The following PRR16 variants were observed in gnomAD, a reference collection of about 807,000 sequenced individuals.
PRR16 encodes the protein proline rich 16.
A neutral mutation model predicts 18.2 loss-of-function variants in PRR16; 6 were observed. That is an observed-to-expected ratio of 0.33 (90% CI 0.18 to 0.65). PRR16 has a LOEUF of 0.65. Ranked by LOEUF, PRR16 falls within the 30% of genes least tolerant of loss-of-function variation. The probability of loss-of-function intolerance (pLI) is 0.74; values close to 1 mark genes in which losing one functional copy is unlikely to be tolerated. For synonymous variants in PRR16, 151 were observed against 147.8 expected (o/e 1.02, Z -0.16); for missense variants, 412 against 376.6 (o/e 1.09, Z -0.78).
chr5:120,734,414 A>G, the PRR16 span, among the ~76,000 whole-genome samples: 4 of 152,054 alleles, frequency 2.6e-5, no homozygotes, highest in African/African-American at 7.2e-5. Context: ...TGTTCTTTTC[A>G]CTAGGAAGGA....
chr5:120,660,954 T>A (rs1459502149), intron 1 of PRR16, among the ~76,000 whole-genome samples: 1 of 152,114 alleles, frequency 6.6e-6, no homozygotes, highest in Non-Finnish European at 1.5e-5. Flanking sequence ...AAAGAAATGT[T>A]TGAGATTTTG....
chr5:120,464,993 G>T (rs1242273529), intron 1 of PRR16, among the ~76,000 whole-genome samples: 2 of 152,106 alleles, frequency 1.3e-5, no homozygotes, highest in African/African-American at 2.4e-5. Flanking sequence ...CGGCTGGAGC[G>T]TGCAAGATGC....
intron 1 of PRR16, among the ~76,000 whole-genome samples, chr5:120,618,133 A>G (rs1342635053): frequency 6.6e-6 from 1 of 152,144 alleles, no homozygotes; most frequent in Non-Finnish European, 1.5e-5. Context: ...AGATGCCATG[A>G]TTAGTCAACT....
the PRR16 span, among the ~76,000 whole-genome samples, chr5:120,770,950 TCACACA>T: frequency 6.7e-6 from 1 of 148,870 alleles, no homozygotes; most frequent in African/African-American, 2.5e-5. Flanking sequence ...TCTCTCTCTC[TCACACA>T]CACACACACA....
the PRR16 span, among the ~76,000 whole-genome samples, chr5:120,751,542 A>T: frequency 2.2e-3 from 339 of 150,672 alleles, 1 homozygote; most frequent in African/African-American, 7.7e-3. Context: ...GATATTGGGC[A>T]TTTTTTTTTA....
At chr5:120,705,370 T>C in the PRR16 span, among the ~76,000 whole-genome samples, 2 of 152,116 alleles carry the variant, frequency 1.3e-5, no homozygotes, top group African/African-American at 4.8e-5. Flanking sequence ...CTATATATCA[T>C]GTTGACAAAT....
the PRR16 span, among the ~76,000 whole-genome samples, chr5:120,732,369 T>C: frequency 6.6e-6 from 1 of 151,884 alleles, no homozygotes; most frequent in African/African-American, 2.4e-5. Context: ...GACGAGGGAG[T>C]GGGTATGGAT....
At chr5:120,671,880 T>A (rs1467886774) in intron 1 of PRR16, among the ~76,000 whole-genome samples, 2 of 152,208 alleles carry the variant, frequency 1.3e-5, no homozygotes, top group Non-Finnish European at 2.9e-5. Context: ...CACCCAGATT[T>A]ATTACTTCAA....
chr5:120,666,134 T>C (rs917525714), intron 1 of PRR16, among the ~76,000 whole-genome samples: 8 of 152,182 alleles, frequency 5.3e-5, no homozygotes, highest in African/African-American at 1.9e-4. Context: ...TTTATATCAT[T>C]GAGCAGTGGT....
At chr5:120,773,457 G>A in the PRR16 span, among the ~76,000 whole-genome samples, 1 of 152,106 alleles carries the variant, frequency 6.6e-6, no homozygotes, top group African/African-American at 2.4e-5. Context: ...AGGAGGAATG[G>A]AAGAAAATTG....
intron 1 of PRR16, among the ~76,000 whole-genome samples, chr5:120,649,112 G>A (rs913775403): frequency 2.6e-5 from 4 of 152,120 alleles, no homozygotes; most frequent in South Asian, 4.1e-4. Context: ...GTCAGTGCAC[G>A]CTGGCTCGAG....
chr5:120,637,315 C>CG (rs1755261830), intron 1 of PRR16, among the ~76,000 whole-genome samples: 2 of 18,228 alleles, frequency 1.1e-4, no homozygotes, highest in African/African-American at 2.8e-4. Context: ...AGCCATTATA[C>CG]GGAAAAAAAA....
the PRR16 span, among the ~76,000 whole-genome samples, chr5:120,720,717 C>T: frequency 6.6e-6 from 1 of 151,902 alleles, no homozygotes; most frequent in Admixed American, 6.6e-5. Flanking sequence ...CTGCATTATG[C>T]AAAATTTTAT....
chr5:120,666,294 T>C (rs903691416), intron 1 of PRR16, among the ~76,000 whole-genome samples: 4 of 152,224 alleles, frequency 2.6e-5, no homozygotes, highest in African/African-American at 9.6e-5. Context: ...CTTGTGATTT[T>C]TGTACATTGA....
chr5:120,668,082 G>A (rs762896785), intron 1 of PRR16, among the ~76,000 whole-genome samples: 1 of 152,002 alleles, frequency 6.6e-6, no homozygotes, highest in Admixed American at 6.6e-5. Context: ...TTATTGTGTG[G>A]GAGTCTAAGT....
chr5:120,486,266 G>A (rs1202987264), intron 1 of PRR16, among the ~76,000 whole-genome samples: 3 of 152,118 alleles, frequency 2.0e-5, no homozygotes, highest in Admixed American at 2.0e-4. Context: ...AGTTCCAACA[G>A]CAGTGTAAAA....
chr5:120,481,690 G>T (rs1424462329), intron 1 of PRR16, among the ~76,000 whole-genome samples: 1 of 152,128 alleles, frequency 6.6e-6, no homozygotes, highest in Non-Finnish European at 1.5e-5. Flanking sequence ...ACATTTAAGA[G>T]AAGTTTTCTA....
chr5:120,583,313 A>ATGTGTGTGTG (rs35255792), intron 1 of PRR16, among the ~76,000 whole-genome samples: 2 of 149,014 alleles, frequency 1.3e-5, no homozygotes, highest in African/African-American at 4.9e-5. Flanking sequence ...ATACAAAATA[A>ATGTGTGTGTG]TGTGTGTGTG....
At chr5:120,523,045 A>C (rs1751237599) in intron 1 of PRR16, among the ~76,000 whole-genome samples, 1 of 152,140 alleles carries the variant, frequency 6.6e-6, no homozygotes, top group Non-Finnish European at 1.5e-5. Flanking sequence ...TTTTTGACTT[A>C]ATTTGGAATC....
Sources: gnomAD v4.1 joint callset for allele counts (sites outside exome capture counted in the v4.1 genomes callset) on GRCh38, gnomAD v4.1.1 for gene constraint, MANE v1.5 for transcripts, NCBI Gene and HGNC (gene_info 2026-07-23, HGNC 2026-07-21) for gene names.